Variants in REN observed in about 807,000 individuals in gnomAD.
The protein encoded by REN is renin.
Under a neutral mutation model 48.6 loss-of-function variants are expected in REN, and 42 were observed. That is an observed-to-expected ratio of 0.86 (90% CI 0.68 to 1.12). The LOEUF is 1.12. Among genes scored for constraint, REN ranks in the 50% most tolerant of loss-of-function variants. The probability of loss-of-function intolerance (pLI) is 0.00; values close to 1 mark genes in which losing one functional copy is unlikely to be tolerated. For missense variants in REN, 443 were observed against 527.3 expected (o/e 0.84, Z 1.57); for synonymous variants, 196 against 204.6 (o/e 0.96, Z 0.36).
chr1:204,162,018 T>C lies in REN; in HGVS notation c.244A>G (p.Met82Val). The change falls in exon 2 of 10, where the codon ATG becomes GTG. Residue 82 changes from methionine to valine, a missense_variant. Transcript: ENST00000272190. ...TTSSVILTNY[M>V]DTQYYGEIGI... is the part of the protein sequence containing the mutation. ...GGGCTGAGCCAAGCACTCACGTCCATGTAGTTGGTGAGGATCACGGAGGAG... is the reference window on the plus strand; with the variant it reads ...GGGCTGAGCCAAGCACTCACGTCCACGTAGTTGGTGAGGATCACGGAGGAG... 1 of 1,614,076 alleles carries C rather than the reference T, an allele frequency of 6.2e-7. No homozygotes were observed. Among genetic ancestry groups the C allele is most frequent in the East Asian group, 2.2e-5 (1 of 44,878 alleles).
Position 204,156,117 on chromosome 1 carries a change from G to C in REN, c.960+61C>G. The C allele has an allele frequency of 6.2e-7, 1 of 1,610,452 alleles. No individual in the cohort carries two copies. Among genetic ancestry groups the C allele is most frequent in the Non-Finnish European group, 8.5e-7 (1 of 1,177,360 alleles). The stretch of plus-strand genomic sequence containing the variant: ...ATGGCCTCATTTGCCTGGGGGATTT[G>C]TGAGCCGATACCAGGTGGCGCTCCC... On this transcript the variant is annotated intron_variant, in intron 8 of 9. Coordinates refer to ENST00000272190, the MANE Select transcript of REN (RefSeq NM_000537.4). This position sits in a 1 kb window ranked among gnomAD's most constrained non-coding sequence, Gnocchi z 4.2.
intron 3 of REN, 130 bp downstream of exon 3, chr1:204,161,162 T>C: frequency 9.6e-7 from 1 of 1,043,528 alleles, no homozygotes; most frequent in Admixed American, 3.2e-5. Flanking sequence ...TACATGTCAG[T>C]GGGCACAGAG....
Position 204,156,779 on chromosome 1 carries a change from C to G in REN, c.716G>C (p.Gly239Ala), listed in dbSNP as rs1308738937. The G allele has an allele frequency of 6.2e-7, 1 of 1,614,116 alleles. No homozygotes were observed. The highest frequency in any genetic ancestry group is 1.1e-5 in the South Asian group (1 of 91,086). ...NRDSENSQSLGGQIVLGGSDP... is the reference protein window; with the variant it reads ...NRDSENSQSLAGQIVLGGSDP... ...GCTGCCTCCCAGCACAATCTGTCCTCCCAGCGATTGGGAATTCCTAAAGGA... is the reference window on the plus strand; with the variant it reads ...GCTGCCTCCCAGCACAATCTGTCCTGCCAGCGATTGGGAATTCCTAAAGGA... Residue 239 changes from glycine to alanine, a missense_variant, in exon 7 of 10, where the codon GGA becomes GCA. Coordinates refer to ENST00000272190, the MANE Select transcript of REN (RefSeq NM_000537.4). This position sits in a 1 kb window ranked among gnomAD's most constrained non-coding sequence, Gnocchi z 4.2.
Position 204,160,540 on chromosome 1 carries a change from C to G in REN, c.492+20G>C. ...GACAGAAGGGGTCCGGGGCAGATGA[C>G]CTAGGGCGGCCCAACTTACGGTGAT... On this transcript the variant is annotated intron_variant, in intron 4 of 9. Transcript: ENST00000272190. 1 of 1,556,736 alleles carries G rather than the reference C, an allele frequency of 6.4e-7. No homozygotes were observed. Among genetic ancestry groups the G allele is most frequent in the Non-Finnish European group, 8.9e-7 (1 of 1,127,664 alleles).
chr1:204,166,105 T>C (rs866218234), intron 1 of REN, 91 bp downstream of exon 1: 5 of 1,042,588 alleles, frequency 4.8e-6, no homozygotes. Flanking sequence ...TCGTAAGGAC[T>C]GAATGACACC....
Position 204,156,409 on chromosome 1 carries a change from G to T in REN, c.819-90C>A. The T allele has an allele frequency of 3.5e-6, 5 of 1,422,472 alleles. No homozygotes were observed. The highest frequency in any genetic ancestry group is 2.6e-5 in the East Asian group (1 of 38,696). 88.1% of individuals were successfully genotyped at this position (1,422,472 alleles called of 1,614,324 possible). A position where few individuals can be genotyped will look rare whatever the true frequency, so the allele number is the denominator to read the frequency against. ...AGGCTGCATGTCCTTCCTGAGTGTG[G>T]GTGGGTGGGTGGAGGCCACGCTGGT... On this transcript the variant is annotated intron_variant, in intron 7 of 9. Coordinates refer to ENST00000272190, the MANE Select transcript of REN (RefSeq NM_000537.4). This position sits in a 1 kb window ranked among gnomAD's most constrained non-coding sequence, Gnocchi z 4.2.
Position 204,161,343 on chromosome 1 carries a change from A to G in REN, c.322T>C (p.Ser108Pro). 6.2e-7 allele frequency: 1 copy of G among 1,609,314 alleles called. No homozygotes were observed. Among genetic ancestry groups the G allele is most frequent in the South Asian group, 1.1e-5 (1 of 89,722 alleles). The change falls in exon 3 of 10, where the codon TCC becomes CCC. Residue 108 changes from serine (S) to proline (P), a missense_variant. Ser to Pro is a moderately conservative substitution (Grantham distance 74). Transcript: ENST00000272190. ...TFKVVFDTGS[S>P]NVWVPSSKCS... ...TTGGAGGAGGGCACCCAAACATTGGACGAACCAGTGTCAAAGACGACTTTG... is the reference window on the plus strand; with the variant it reads ...TTGGAGGAGGGCACCCAAACATTGGGCGAACCAGTGTCAAAGACGACTTTG...
rs1658150880 is a variant in REN, at chr1:204,156,363, G to C, written c.819-44C>G. 2 of 1,559,400 alleles carry C rather than the reference G, an allele frequency of 1.3e-6. No individual in the cohort carries two copies. The highest frequency in any genetic ancestry group is 1.7e-6 in the Non-Finnish European group (2 of 1,147,482). On this transcript the variant is annotated intron_variant, in intron 7 of 9. Coordinates refer to ENST00000272190, the MANE Select transcript of REN (RefSeq NM_000537.4). The surrounding 1 kb of genome is among the most constrained non-coding windows in gnomAD (Gnocchi z 4.2). Reference sequence around the variant, plus strand: ...AGACAGACAGACAGACAGACAGACAGAAGGCTGATGGGGCACCTCCAGGCT... The same window carrying C: ...AGACAGACAGACAGACAGACAGACACAAGGCTGATGGGGCACCTCCAGGCT...
At chr1:204,164,897 C>T (rs1571650946) in intron 1 of REN, among the ~76,000 whole-genome samples, 3 of 152,070 alleles carry the variant, frequency 2.0e-5, no homozygotes, top group African/African-American at 7.2e-5. Context: ...ATCACTTGTT[C>T]CCACAAGGCC....
At chr1:204,166,064 T>C in intron 1 of REN, 132 bp downstream of exon 1, 1 of 778,778 alleles carries the variant, frequency 1.3e-6, no homozygotes, top group Non-Finnish European at 2.3e-6. Context: ...TTGACCTCTC[T>C]GAACAGGTCC....
At position 204,156,067 on chromosome 1, in the gene REN, T is replaced by C; in HGVS notation, c.960+111A>G. 15 of 1,526,536 alleles carry C rather than the reference T, an allele frequency of 9.8e-6. No individual in the cohort carries two copies. Among genetic ancestry groups the C allele is most frequent in the Non-Finnish European group, 1.4e-5 (15 of 1,102,704 alleles). 94.6% of individuals were successfully genotyped at this position (1,526,536 alleles called of 1,614,324 possible). ...TGACCAGCCACATGTGTGGAGAGTG[T>C]GAGGTGAACAAGCGAAGGCCTGAGA... On this transcript the variant is annotated intron_variant, in intron 8 of 9. Coordinates refer to ENST00000272190, the MANE Select transcript of REN (RefSeq NM_000537.4). The surrounding 1 kb of genome is among the most constrained non-coding windows in gnomAD (Gnocchi z 4.2).
chr1:204,160,983 G>C (rs1181070449), intron 3 of REN, among the ~76,000 whole-genome samples: 1 of 152,216 alleles, frequency 6.6e-6, no homozygotes, highest in African/African-American at 2.4e-5. Context: ...ATTAAGACTA[G>C]GGATGGAAGA....
chr1:204,162,219 G>A (rs1161630883), intron 1 of REN, 56 bp from the exon 2 acceptor site: 15 of 1,599,942 alleles, frequency 9.4e-6, no homozygotes, highest in African/African-American at 2.7e-5. Flanking sequence ...CACCACAGTG[G>A]TGGAGTCCCT....
intron 1 of REN, among the ~76,000 whole-genome samples, 169 bp from the exon 2 acceptor site, chr1:204,162,332 C>T (rs1350403011): frequency 6.6e-6 from 1 of 152,204 alleles, no homozygotes; most frequent in Non-Finnish European, 1.5e-5. Context: ...ATAAGAGTTA[C>T]TTCTTGTCAA....
chr1:204,158,437 A>G (rs1247624871), intron 5 of REN, among the ~76,000 whole-genome samples: 3 of 63,464 alleles, frequency 4.7e-5, no homozygotes, highest in East Asian at 4.4e-4. Flanking sequence ...TTTTTTTTTG[A>G]GACTGGATCT....
At chr1:204,161,155 A>G (rs1232049949) in intron 3 of REN, 137 bp downstream of exon 3, 2 of 993,412 alleles carry the variant, frequency 2.0e-6, no homozygotes, top group Non-Finnish European at 2.9e-6. Flanking sequence ...TCTCCCCTAC[A>G]TGTCAGTGGG....
intron 3 of REN, 84 bp from the exon 4 acceptor site, chr1:204,160,762 TG>T (rs1658230428): frequency 1.0e-6 from 1 of 971,956 alleles, no homozygotes; most frequent in South Asian, 1.3e-5. Flanking sequence ...TGGGTATGGC[TG>T]GTTAGCTTAG....
intron 1 of REN, among the ~76,000 whole-genome samples, chr1:204,162,907 CTG>C (rs1658274041): frequency 6.6e-6 from 1 of 152,228 alleles, no homozygotes. Context: ...ACCTAGGAAA[CTG>C]ACTCTACTGA....
chr1:204,164,824 T>G (rs1282349664), intron 1 of REN, among the ~76,000 whole-genome samples: 1 of 151,984 alleles, frequency 6.6e-6, no homozygotes, highest in Non-Finnish European at 1.5e-5. Context: ...CACCTCAGCC[T>G]CTCAAAGTGC....
Sources: allele counts gnomAD v4.1 joint callset (sites outside exome capture counted in the v4.1 genomes callset), GRCh38; gene constraint gnomAD v4.1.1; non-coding constraint Gnocchi (gnomAD v3.1); transcripts MANE v1.5; gene names NCBI Gene and HGNC (gene_info 2026-07-23, HGNC 2026-07-21).